ZFAND6: variants seen among roughly 807,000 people sequenced by gnomAD.
The protein encoded by ZFAND6 is AN1-type zinc finger protein 6.
In ZFAND6, 12 loss-of-function variants were observed where a neutral mutation model predicts 24.5. The observed-to-expected ratio is 0.49, with a 90% confidence interval of 0.31 to 0.79. The LOEUF is 0.79. Among genes scored for constraint, ZFAND6 ranks in the 30% least tolerant of loss-of-function variants. The probability of loss-of-function intolerance (pLI) is 0.04; values close to 1 mark genes in which losing one functional copy is unlikely to be tolerated. For missense variants in ZFAND6, 207 were observed against 245.9 expected, an observed-to-expected ratio of 0.84 and a Z score of 1.06; for synonymous variants, 92 against 81.5, an observed-to-expected ratio of 1.13 and a Z score of -0.69.
At chr15:80,130,920 T>C (rs1310278454) in intron 5 of ZFAND6, 2 of 366,884 alleles carry the variant, frequency 5.5e-6, no homozygotes, top group Non-Finnish European at 9.7e-6. Context: ...AATTAGAAAG[T>C]ACAGTTAAAA....
At chr15:80,085,289 T>A (rs748686350) in intron 1 of ZFAND6, among the ~76,000 whole-genome samples, 9 of 152,254 alleles carry the variant, frequency 5.9e-5, no homozygotes, top group Non-Finnish European at 1.3e-4. Context: ...GACTTTCCAC[T>A]ACTGTGAATG....
intron 2 of ZFAND6, among the ~76,000 whole-genome samples, chr15:80,107,542 G>A (rs2039395553): frequency 6.6e-6 from 1 of 152,064 alleles, no homozygotes; most frequent in Admixed American, 6.6e-5. Flanking sequence ...ATGAAAATAG[G>A]GGCTGGGCGC....
At chr15:80,099,131 C>T (rs2141934573) in intron 2 of ZFAND6, among the ~76,000 whole-genome samples, 1 of 151,970 alleles carries the variant, frequency 6.6e-6, no homozygotes, top group East Asian at 1.9e-4. Flanking sequence ...TTAAATTCGC[C>T]AATTTTATTT....
chr15:80,108,888 T>C (rs546034882), intron 2 of ZFAND6, among the ~76,000 whole-genome samples: 2 of 152,018 alleles, frequency 1.3e-5, no homozygotes, highest in Non-Finnish European at 2.9e-5. Context: ...CCACCACGCC[T>C]GGCTAATTTT....
chr15:80,085,017 A>G (rs1567061105), intron 1 of ZFAND6, among the ~76,000 whole-genome samples: 1 of 152,188 alleles, frequency 6.6e-6, no homozygotes, highest in Non-Finnish European at 1.5e-5. Flanking sequence ...TCCTCACAGA[A>G]TCTTTGTTTC....
At chr15:80,111,565 A>G in intron 2 of ZFAND6, 1 of 455,948 alleles carries the variant, frequency 2.2e-6, no homozygotes, top group South Asian at 1.5e-5. Flanking sequence ...TCTTGGTGAG[A>G]TTTATTTTAC....
intron 5 of ZFAND6, chr15:80,129,452 A>C (rs148678488): frequency 6.6e-6 from 1 of 152,240 alleles, no homozygotes; most frequent in African/African-American, 2.4e-5. Flanking sequence ...ATGTCTGAGC[A>C]TGTATTACAA....
At chr15:80,113,987 T>C (rs2039739363) in intron 2 of ZFAND6, among the ~76,000 whole-genome samples, 2 of 151,980 alleles carry the variant, frequency 1.3e-5, no homozygotes, top group African/African-American at 4.8e-5. Flanking sequence ...GTAGATAGGA[T>C]TATTACAAGC....
chr15:80,116,292 A>G (rs530978658), intron 2 of ZFAND6, among the ~76,000 whole-genome samples: 16 of 152,300 alleles, frequency 1.1e-4, no homozygotes, highest in African/African-American at 3.8e-4. Context: ...CACGTTTTAT[A>G]AGCAGTGGAT....
intron 1 of ZFAND6, among the ~76,000 whole-genome samples, chr15:80,094,726 A>G (rs2038611560): frequency 6.6e-6 from 1 of 152,132 alleles, no homozygotes; most frequent in Admixed American, 6.5e-5. Flanking sequence ...AATTAAGGAA[A>G]TATGCAGTTA....
At chr15:80,081,800 G>A (rs1026560894) in intron 1 of ZFAND6, among the ~76,000 whole-genome samples, 2 of 152,232 alleles carry the variant, frequency 1.3e-5, no homozygotes, top group Non-Finnish European at 2.9e-5. Flanking sequence ...AGGCAGCCTC[G>A]GGCCAGACTT....
chr15:80,080,401 G>T (rs1268849349), intron 1 of ZFAND6, among the ~76,000 whole-genome samples: 2 of 152,172 alleles, frequency 1.3e-5, no homozygotes, highest in Non-Finnish European at 2.9e-5. Context: ...ACTGTGGATA[G>T]TACCAAACCT....
At chr15:80,112,219 C>A (rs890953973) in intron 2 of ZFAND6, among the ~76,000 whole-genome samples, 1 of 152,126 alleles carries the variant, frequency 6.6e-6, no homozygotes, top group South Asian at 2.1e-4. Context: ...GAGACTGCGC[C>A]ACTGCGCTCC....
At chr15:80,084,563 A>G (rs2037878057) in intron 1 of ZFAND6, among the ~76,000 whole-genome samples, 1 of 152,230 alleles carries the variant, frequency 6.6e-6, no homozygotes, top group South Asian at 2.1e-4. Flanking sequence ...TTAATTACTA[A>G]TTTACGTGGG....
At chr15:80,061,270 C>G (rs1349632692) in intron 1 of ZFAND6, among the ~76,000 whole-genome samples, 1 of 152,138 alleles carries the variant, frequency 6.6e-6, no homozygotes, top group African/African-American at 2.4e-5. Flanking sequence ...GTAGTGATAA[C>G]TTTTTGGGTG....
At chr15:80,120,967 C>T (rs1040228114) in intron 3 of ZFAND6, among the ~76,000 whole-genome samples, 5 of 152,118 alleles carry the variant, frequency 3.3e-5, no homozygotes, top group African/African-American at 1.2e-4. Flanking sequence ...AACCCCAGTT[C>T]ACTAGGGTTT....
chr15:80,065,536 G>GTTTTTTTTTTTTTTTT (rs1341209807), intron 1 of ZFAND6, among the ~76,000 whole-genome samples: 2 of 84,970 alleles, frequency 2.4e-5, no homozygotes, highest in Non-Finnish European at 4.8e-5. Context: ...TTTTGGTTTT[G>GTTTTTTTTTTTTTTTT]ATTTTTTTTT....
chr15:80,088,514 C>T (rs983481435), intron 1 of ZFAND6, among the ~76,000 whole-genome samples: 44 of 151,984 alleles, frequency 2.9e-4, no homozygotes, highest in African/African-American at 1.0e-3. Context: ...TGCAGTGAGC[C>T]GAGATTGTGC....
chr15:80,066,578 G>A (rs544630477), intron 1 of ZFAND6, among the ~76,000 whole-genome samples: 1 of 152,204 alleles, frequency 6.6e-6, no homozygotes, highest in South Asian at 2.1e-4. Flanking sequence ...CTCCCAAAGT[G>A]CTGGGATTAC....
Sources: gnomAD v4.1 joint callset for allele counts (sites outside exome capture counted in the v4.1 genomes callset) on GRCh38, gnomAD v4.1.1 for gene constraint, MANE v1.5 for transcripts, NCBI Gene and HGNC (gene_info 2026-07-23, HGNC 2026-07-21) for gene names.